The following GRM3 variants were observed in gnomAD, a reference collection of about 807,000 sequenced individuals.
The protein encoded by GRM3 is metabotropic glutamate receptor 3.
GRM3 carries 26 observed loss-of-function variants against 70.5 expected under a neutral mutation model. The ratio of observed to expected loss-of-function variants is 0.37; its 90% CI spans 0.27 to 0.51. The LOEUF (loss-of-function observed/expected upper bound fraction) is 0.51. Ranked by LOEUF, GRM3 falls within the 20% of genes least tolerant of loss-of-function variation. GRM3 has a pLI of 0.93. For missense variants in GRM3, 859 were observed against 1,123.8 expected, an observed-to-expected ratio of 0.76 and a Z score of 3.37; for synonymous variants, 443 against 434.9, an observed-to-expected ratio of 1.02 and a Z score of -0.23.
At chr7:86,780,166 T>C (rs57120031) in intron 2 of GRM3, among the ~76,000 whole-genome samples, 407 of 152,298 alleles carry the variant, frequency 2.7e-3, no homozygotes, top group African/African-American at 8.2e-3. Context: ...CTATTGTGAA[T>C]AGTGCCGCAA....
At chr7:86,745,169 G>A (rs992358173) in intron 1 of GRM3, among the ~76,000 whole-genome samples, 19 of 152,070 alleles carry the variant, frequency 1.2e-4, no homozygotes, top group East Asian at 5.8e-4. Flanking sequence ...ATGTCTGGGC[G>A]TTTGGCCACA....
intron 1 of GRM3, among the ~76,000 whole-genome samples, chr7:86,740,657 T>C (rs544760901): frequency 6.6e-6 from 1 of 152,302 alleles, no homozygotes; most frequent in South Asian, 2.1e-4. Context: ...CTAATTATGG[T>C]AGAGACAGGC....
At chr7:86,701,437 A>T (rs1794944617) in intron 1 of GRM3, among the ~76,000 whole-genome samples, 1 of 151,920 alleles carries the variant, frequency 6.6e-6, no homozygotes, top group African/African-American at 2.4e-5. Flanking sequence ...AAAAAAGTTG[A>T]GAAATCTCTT....
intron 3 of GRM3, among the ~76,000 whole-genome samples, chr7:86,824,449 T>A (rs538085534): frequency 2.2e-4 from 33 of 152,334 alleles, no homozygotes; most frequent in African/African-American, 7.2e-4. Context: ...CCTTTGACTA[T>A]GATATCTTTT....
chr7:86,669,027 T>G (rs1289162405), intron 1 of GRM3, among the ~76,000 whole-genome samples: 3 of 152,118 alleles, frequency 2.0e-5, no homozygotes, highest in Admixed American at 6.6e-5. Flanking sequence ...CCCAAGATAG[T>G]AAGTATTTCT....
intron 3 of GRM3, among the ~76,000 whole-genome samples, chr7:86,808,948 T>C (rs1178185160): frequency 8.1e-6 from 1 of 124,180 alleles, no homozygotes; most frequent in African/African-American, 4.1e-5. Flanking sequence ...CTGAGTGAAA[T>C]TGGAAGCATT....
At position 86,788,682 on chromosome 7, in the gene GRM3, A is replaced by G. The variant is rs2299220; in HGVS notation, c.1324+1566A>G. On this transcript the variant is annotated intron_variant, in intron 3 of 5. Coordinates refer to ENST00000361669, the MANE Select transcript of GRM3 (RefSeq NM_000840.3). Reference sequence around the variant, plus strand: ...GGACCTTGGAGTCAGTAAAAAAAGAATATCTTTACTCTAAAAATAAATTAA... The same window carrying G: ...GGACCTTGGAGTCAGTAAAAAAAGAGTATCTTTACTCTAAAAATAAATTAA... Among the ~76,000 whole-genome samples, 408 of 152,342 alleles carry G rather than the reference A, an allele frequency of 2.7e-3. 14 individuals carry two copies. The East Asian group carries it at 0.065, about 24-fold the overall frequency.
intron 1 of GRM3, among the ~76,000 whole-genome samples, chr7:86,723,383 A>G (rs1461250387): frequency 6.6e-6 from 1 of 152,156 alleles, no homozygotes; most frequent in Non-Finnish European, 1.5e-5. Flanking sequence ...AATATTATAC[A>G]TAATGGTGAC....
In GRM3 at chr7:86,764,991, T is replaced by A; in HGVS notation, c.-140-15T>A. The A allele has an allele frequency of 6.9e-7, 1 of 1,447,830 alleles. No individual in the cohort carries two copies. The highest frequency in any genetic ancestry group is 1.4e-5 in the African/African-American group (1 of 70,750). 89.7% of individuals were successfully genotyped at this position (1,447,830 alleles called of 1,614,324 possible). A position where few individuals can be genotyped will look rare whatever the true frequency, so the allele number is the denominator to read the frequency against. On this transcript the variant is annotated splice_polypyrimidine_tract_variant and intron_variant, in intron 1 of 5. Coordinates refer to ENST00000361669, the MANE Select transcript of GRM3 (RefSeq NM_000840.3). ...TTCTTTACCATTTTTGTTCATATAA[T>A]TTTTATCTCTTTAGGAATTTTGTGA...
intron 1 of GRM3, among the ~76,000 whole-genome samples, chr7:86,686,916 A>G (rs543444893): frequency 1.3e-5 from 2 of 152,178 alleles, no homozygotes; most frequent in East Asian, 3.9e-4. Context: ...GAAATTCATA[A>G]ATGCATCAAA....
At chr7:86,655,075 C>T (rs1398704501) in intron 1 of GRM3, among the ~76,000 whole-genome samples, 4 of 152,190 alleles carry the variant, frequency 2.6e-5, no homozygotes, top group Non-Finnish European at 5.9e-5. Context: ...CCCAGCGTGG[C>T]CATTAAGCAT....
chr7:86,763,494 C>A (rs1796529736), intron 1 of GRM3, among the ~76,000 whole-genome samples: 1 of 152,148 alleles, frequency 6.6e-6, no homozygotes, highest in Non-Finnish European at 1.5e-5. Flanking sequence ...TGTGTGCATG[C>A]AACTAGACTA....
intron 1 of GRM3, among the ~76,000 whole-genome samples, chr7:86,707,183 A>G (rs1398124503): frequency 1.3e-5 from 2 of 152,092 alleles, no homozygotes; most frequent in Non-Finnish European, 2.9e-5. Flanking sequence ...TTTTTCCTAT[A>G]GTCCTCCCCT....
intron 1 of GRM3, among the ~76,000 whole-genome samples, chr7:86,645,561 AGGT>A (rs1793440652): frequency 6.6e-6 from 1 of 152,190 alleles, no homozygotes. Flanking sequence ...AAAATAGACT[AGGT>A]GATATATCCA....
chr7:86,663,840 ATGT>A (rs778096971), intron 1 of GRM3, among the ~76,000 whole-genome samples: 4 of 135,012 alleles, frequency 3.0e-5, no homozygotes, highest in African/African-American at 7.3e-5. Context: ...TTAAGAGATA[ATGT>A]TGTGAGAACA....
chr7:86,850,332 G>A (rs371439937), intron 4 of GRM3, 38 bp from the exon 5 acceptor site: 32 of 1,506,156 alleles, frequency 2.1e-5, no homozygotes, highest in East Asian at 4.5e-5. Context: ...TTGACTGAAT[G>A]TACAGCCAGA....
chr7:86,667,460 A>G lies in GRM3; in HGVS notation c.-141+22588A>G, dbSNP rs569006347. On this transcript the variant is annotated intron_variant, in intron 1 of 5. Transcript: ENST00000361669. Reference sequence around the variant, plus strand: ...TGATTTTATCAAGTAGAGGTAGGCTATTACAATAAACACTAAGCAAAGCTT... The same window carrying G: ...TGATTTTATCAAGTAGAGGTAGGCTGTTACAATAAACACTAAGCAAAGCTT... Among the ~76,000 whole-genome samples, 12 of 152,238 alleles carry G rather than the reference A, an allele frequency of 7.9e-5. No homozygotes were observed. The East Asian group carries it at 9.6e-4, about 12-fold the overall frequency.
chr7:86,856,138 C>T (rs1562883737), intron 5 of GRM3, among the ~76,000 whole-genome samples: 1 of 151,902 alleles, frequency 6.6e-6, no homozygotes, highest in Non-Finnish European at 1.5e-5. Flanking sequence ...TCTATTTTTC[C>T]CTTTAGAAAG....
intron 1 of GRM3, among the ~76,000 whole-genome samples, chr7:86,759,676 T>C (rs778137401): frequency 1.9e-4 from 29 of 152,164 alleles, no homozygotes; most frequent in Middle Eastern, 6.8e-3. Context: ...ATGATAAACA[T>C]AGCACAAAGT....
Sources: gnomAD v4.1 joint callset for allele counts (sites outside exome capture counted in the v4.1 genomes callset) on GRCh38, gnomAD v4.1.1 for gene constraint, MANE v1.5 for transcripts, NCBI Gene and HGNC (gene_info 2026-07-23, HGNC 2026-07-21) for gene names.